The following PHF6 variants were observed in gnomAD, a reference collection of about 807,000 sequenced individuals.
PHF6 encodes PHD-like zinc finger protein.
Under a neutral mutation model 34.0 loss-of-function variants are expected in PHF6, and 7 were observed. The ratio of observed to expected loss-of-function variants is 0.21; its 90% confidence interval spans 0.12 to 0.39. The LOEUF (loss-of-function observed/expected upper bound fraction) is 0.39. Among genes scored for constraint, PHF6 ranks in the 10% least tolerant of loss-of-function variants. The pLI, the probability that PHF6 is intolerant of heterozygous loss-of-function variation, is 1.00. For missense variants in PHF6, 128 were observed against 262.8 expected (o/e 0.49, Z 3.55); for synonymous variants, 89 against 88.4 (o/e 1.01, Z -0.04).
In PHF6 at chrX:134,428,212, C is replaced by T. The variant is rs779162815; in HGVS notation, c.*2552C>T. The T allele has an allele frequency of 6.9e-6, 1 of 145,533 alleles. No homozygotes were observed. Among genetic ancestry groups the T allele is most frequent in the South Asian group, 3.8e-4 (1 of 2,618 alleles). 12.0% of individuals were successfully genotyped at this position (145,533 alleles called of 1,213,427 possible). A position where few individuals can be genotyped will look rare whatever the true frequency, so the allele number is the denominator to read the frequency against. ...TTATTCTGGAGCATTTATTGCCTTA[C>T]CAGAAATGTTAGTAGGAAATGTTCT... is the stretch of plus-strand genomic sequence containing the variant. On this transcript the variant is annotated 3_prime_UTR_variant, in exon 11 of 11. Coordinates refer to ENST00000370803, the MANE Select transcript of PHF6 (RefSeq NM_001015877.2).
intron 3 of PHF6, 62 bp from the exon 4 acceptor site, chrX:134,393,439 A>T (rs2077363320): frequency 8.7e-7 from 1 of 1,147,212 alleles, no homozygotes; most frequent in South Asian, 1.9e-5. Flanking sequence ...ATATGCCTCT[A>T]ATCTGATATA....
chrX:134,377,504 C>T, intron 1 of PHF6, 68 bp from the exon 2 acceptor site: 1 of 853,792 alleles, frequency 1.2e-6, no homozygotes, highest in Non-Finnish European at 1.6e-6. Flanking sequence ...TTTTTAACAA[C>T]TTTCATGAAT....
intron 3 of PHF6, among the ~76,000 whole-genome samples, chrX:134,382,566 C>CTTT (rs377670545): frequency 2.4e-4 from 20 of 84,595 alleles, no homozygotes; most frequent in Admixed American, 4.2e-4. Context: ...AGCTATTCTT[C>CTTT]TTTTTTTTTT....
chrX:134,413,176 C>A (rs1490579020), intron 5 of PHF6, among the ~76,000 whole-genome samples: 1 of 111,908 alleles, frequency 8.9e-6, no homozygotes, highest in East Asian at 2.8e-4. Flanking sequence ...ACTTTATTTT[C>A]ATTTAGTTTT....
intron 5 of PHF6, among the ~76,000 whole-genome samples, chrX:134,400,400 T>TC (rs2077398353): frequency 9.6e-6 from 1 of 104,518 alleles, no homozygotes; most frequent in East Asian, 2.9e-4. Flanking sequence ...CTTTTTTTTT[T>TC]TTTTTTTTTT....
At chrX:134,391,987 GA>G (rs938095542) in intron 3 of PHF6, among the ~76,000 whole-genome samples, 1 of 111,845 alleles carries the variant, frequency 8.9e-6, no homozygotes, top group Non-Finnish European at 1.9e-5. Context: ...ATTTAAGGAA[GA>G]AAGGGGTATT....
In PHF6 at chrX:134,390,977, C is replaced by CT. The variant is rs1216287733; in HGVS notation, c.241-2510dup. Among the ~76,000 whole-genome samples the CT allele has an allele frequency of 9.0e-3, 640 of 71,438 alleles. 2 individuals are homozygous for CT. The highest frequency in any genetic ancestry group is 0.024 in the African/African-American group (466 of 19,614). 62.0% of individuals were successfully genotyped at this position (71,438 alleles called of 115,157 possible). ...CTTTTTCTTTTTTTCTTTTTTTTTT[C>CT]TTTTTTTTTTTTTTGTGATGGAGTT... is the stretch of plus-strand genomic sequence containing the variant. On this transcript the variant is annotated intron_variant, in intron 3 of 10. Coordinates refer to ENST00000370803, the MANE Select transcript of PHF6 (RefSeq NM_001015877.2).
At chrX:134,394,695 A>G (rs2077369783) in intron 5 of PHF6, among the ~76,000 whole-genome samples, 2 of 106,909 alleles carry the variant, frequency 1.9e-5, no homozygotes, top group South Asian at 4.2e-4. Context: ...GCCCGCCACC[A>G]CGCCTGGCTA....
At chrX:134,383,553 A>G (rs1050621525) in intron 3 of PHF6, among the ~76,000 whole-genome samples, 2 of 111,860 alleles carry the variant, frequency 1.8e-5, no homozygotes, top group African/African-American at 6.5e-5. Flanking sequence ...TCCTCTGAAC[A>G]GTTTTCCTGC....
At chrX:134,416,463 A>T (rs2077472824) in intron 8 of PHF6, among the ~76,000 whole-genome samples, 1 of 111,266 alleles carries the variant, frequency 9.0e-6, no homozygotes. Flanking sequence ...AGTGTGCTCC[A>T]AAGGAAGTTA....
intron 5 of PHF6, among the ~76,000 whole-genome samples, chrX:134,399,642 A>G (rs2077393138): frequency 9.5e-6 from 1 of 105,535 alleles, no homozygotes; most frequent in African/African-American, 3.5e-5. Flanking sequence ...CTGTTCCCCA[A>G]CCCCTAACAT....
chrX:134,384,714 C>G (rs760743654), intron 3 of PHF6, among the ~76,000 whole-genome samples: 1 of 109,082 alleles, frequency 9.2e-6, no homozygotes, highest in Non-Finnish European at 1.9e-5. Flanking sequence ...TACAGTGGCA[C>G]GATCTCGGCT....
intron 3 of PHF6, among the ~76,000 whole-genome samples, chrX:134,381,494 CA>C (rs1457309378): frequency 2.9e-5 from 3 of 102,271 alleles, no homozygotes; most frequent in African/African-American, 1.1e-4. Flanking sequence ...CCCTAATTGA[CA>C]TTTTTTTTTT....
intron 3 of PHF6, among the ~76,000 whole-genome samples, chrX:134,380,845 T>C (rs374660673): frequency 3.6e-5 from 4 of 110,874 alleles, no homozygotes; most frequent in Non-Finnish European, 3.8e-5. Context: ...CCACCACTTA[T>C]TGTTTTTGTT....
Position 134,400,741 on chromosome X carries a change from A to C in PHF6, c.418+6789A>C, listed in dbSNP as rs769714214. ...CCAGAATAGGTTGAGGGCCCTGTTG[A>C]GGTTAGTACCCATGAGTTTATGTAG... On this transcript the variant is annotated intron_variant, in intron 5 of 10. Transcript: ENST00000370803. Among the ~76,000 whole-genome samples the C allele has an allele frequency of 1.3e-3, 141 of 111,370 alleles. 1 individual carries two copies. Among genetic ancestry groups the C allele is most frequent in the Non-Finnish European group, 2.3e-3 (123 of 53,052 alleles).
At chrX:134,417,123 G>A in intron 8 of PHF6, 46 bp from the exon 9 acceptor site, 1 of 1,198,181 alleles carries the variant, frequency 8.3e-7, no homozygotes, top group Non-Finnish European at 1.1e-6. Context: ...AATAGCTGCT[G>A]TTTTCTTGAA....
At chrX:134,418,011 G>A (rs1160387466) in intron 9 of PHF6, 2 of 112,109 alleles carry the variant, frequency 1.8e-5, no homozygotes, top group Admixed American at 9.5e-5. Flanking sequence ...GAGCGTATAA[G>A]AAGGAAGAGC....
At chrX:134,380,337 G>A (rs748248956) in intron 3 of PHF6, among the ~76,000 whole-genome samples, 2 of 109,260 alleles carry the variant, frequency 1.8e-5, no homozygotes, top group Non-Finnish European at 3.8e-5. Context: ...TAGTAGAGAC[G>A]GGGTTTCACC....
chrX:134,397,462 A>G (rs1284212436), intron 5 of PHF6, among the ~76,000 whole-genome samples: 1 of 111,935 alleles, frequency 8.9e-6, no homozygotes, highest in East Asian at 2.8e-4. Flanking sequence ...CAGCCTGGCC[A>G]ACATGGTGAA....
Sources: allele counts gnomAD v4.1 joint callset (sites outside exome capture counted in the v4.1 genomes callset), GRCh38; gene constraint gnomAD v4.1.1; transcripts MANE v1.5; gene names NCBI Gene and HGNC (gene_info 2026-07-23, HGNC 2026-07-21).